The following RAB7A variants were observed in gnomAD, a reference collection of about 807,000 sequenced individuals.
RAB7A encodes the protein RAB7A, member RAS oncogene family, also known as ras-related protein Rab-7a.
A neutral mutation model predicts 24.5 loss-of-function variants in RAB7A; 2 were observed. The ratio of observed to expected loss-of-function variants is 0.08; its 90% CI spans 0.03 to 0.26. RAB7A has a LOEUF of 0.26. RAB7A is among the 10% of genes least tolerant of loss of function. The probability of loss-of-function intolerance (pLI) is 1.00; values close to 1 mark genes in which losing one functional copy is unlikely to be tolerated. For missense variants in RAB7A, 118 were observed against 255.7 expected (o/e 0.46, Z 3.67); for synonymous variants, 100 against 95.9 (o/e 1.04, Z -0.25).
chr3:128,754,245 T>C (rs2070711007), intron 1 of RAB7A, among the ~76,000 whole-genome samples: 1 of 152,140 alleles, frequency 6.6e-6, no homozygotes, highest in African/African-American at 2.4e-5. Context: ...CACAACACAT[T>C]GAGATGTAGT....
rs140240092 is a variant in RAB7A at position 128,786,280 on chromosome 3, G to C, written c.-8-9080G>C. Among the ~76,000 whole-genome samples the C allele has an allele frequency of 3.3e-3, 502 of 152,256 alleles. 4 individuals carry two copies. The highest frequency in any genetic ancestry group is 0.011 in the African/African-American group (477 of 41,552). ...TGTTTCAGGGGGTCTTCACTATTCA[G>C]GCCCTAATTAGATTCCTCAGTTTGG... On this transcript the variant is annotated intron_variant, in intron 1 of 5. Transcript: ENST00000265062.
Position 128,801,881 on chromosome 3 carries a change from A to G in RAB7A, c.180+3812A>G, listed in dbSNP as rs78092668. Among the ~76,000 whole-genome samples, 1,077 of 152,270 alleles carry G rather than the reference A, an allele frequency of 7.1e-3. 6 individuals are homozygous for G. The highest frequency in any genetic ancestry group is 0.015 in the Admixed American group (226 of 15,300). On this transcript the variant is annotated intron_variant, in intron 3 of 5. Coordinates refer to ENST00000265062, the MANE Select transcript of RAB7A (RefSeq NM_004637.6). ...AAGTCATAATGAAATTAAAAAAAAA[A>G]GACTTAAAAATAGACTGAGGAAAAC...
Position 128,763,223 on chromosome 3 carries a change from T to A in RAB7A, c.-8-32137T>A, listed in dbSNP as rs1204299247. Reference sequence around the variant, plus strand: ...ATATATATATATTTTTTTTTTTTTTTTTTTTTTTTGAGACGGAGTCTCGCT... The same window carrying A: ...ATATATATATATTTTTTTTTTTTTTATTTTTTTTTGAGACGGAGTCTCGCT... On this transcript the variant is annotated intron_variant, in intron 1 of 5. Transcript: ENST00000265062. Among the ~76,000 whole-genome samples, 890 of 134,120 alleles carry A rather than the reference T, an allele frequency of 6.6e-3. 30 individuals carry two copies. Among genetic ancestry groups the A allele is most frequent in the East Asian group, 0.047 (230 of 4,900 alleles). The allele number at this position is 134,120 out of a possible 152,430, so 88.0% of individuals were successfully genotyped here.
chr3:128,740,500 G>C (rs1339910459), intron 1 of RAB7A, among the ~76,000 whole-genome samples: 2 of 152,136 alleles, frequency 1.3e-5, no homozygotes, highest in Non-Finnish European at 2.9e-5. Context: ...ACATTTTGTA[G>C]TTTGAGAATT....
At chr3:128,771,029 G>T (rs2070880294) in intron 1 of RAB7A, among the ~76,000 whole-genome samples, 1 of 151,580 alleles carries the variant, frequency 6.6e-6, no homozygotes, top group Non-Finnish European at 1.5e-5. Flanking sequence ...GAGTGCAGTG[G>T]TACAATCTCA....
chr3:128,768,330 A>T (rs867033188), intron 1 of RAB7A, among the ~76,000 whole-genome samples: 1 of 151,918 alleles, frequency 6.6e-6, no homozygotes, highest in South Asian at 2.1e-4. Flanking sequence ...CTTTCTGTTG[A>T]TGGACATTTG....
chr3:128,755,957 T>C (rs904591830), intron 1 of RAB7A, among the ~76,000 whole-genome samples: 2 of 151,076 alleles, frequency 1.3e-5, no homozygotes, highest in Non-Finnish European at 2.9e-5. Context: ...ACTGTAAAAA[T>C]TTCTCACACA....
At chr3:128,748,316 A>C (rs1055831103) in intron 1 of RAB7A, among the ~76,000 whole-genome samples, 2 of 152,156 alleles carry the variant, frequency 1.3e-5, no homozygotes, top group African/African-American at 4.8e-5. Flanking sequence ...ACTGGCAGGC[A>C]TGGTGGCTTT....
At chr3:128,727,754 A>T (rs1028803037) in intron 1 of RAB7A, among the ~76,000 whole-genome samples, 1 of 152,154 alleles carries the variant, frequency 6.6e-6, no homozygotes, top group African/African-American at 2.4e-5. Flanking sequence ...CTTTCTTGTG[A>T]CTTAAGCAGC....
At chr3:128,768,266 C>T (rs2070851756) in intron 1 of RAB7A, among the ~76,000 whole-genome samples, 1 of 152,012 alleles carries the variant, frequency 6.6e-6, no homozygotes, top group South Asian at 2.1e-4. Context: ...TAGTTCATTC[C>T]TTTTTGTAGC....
intron 1 of RAB7A, among the ~76,000 whole-genome samples, chr3:128,735,151 C>T (rs1437314293): frequency 1.3e-5 from 2 of 152,156 alleles, no homozygotes; most frequent in East Asian, 3.8e-4. Context: ...AAATACAGGG[C>T]AGATGAGAGT....
At chr3:128,813,265 C>A in intron 5 of RAB7A, 62 bp from the exon 6 acceptor site, 1 of 1,490,302 alleles carries the variant, frequency 6.7e-7, no homozygotes, top group South Asian at 1.1e-5. Flanking sequence ...AAAGTGCCCG[C>A]AATGAGGGCT....
intron 1 of RAB7A, among the ~76,000 whole-genome samples, chr3:128,762,518 T>G (rs1312117207): frequency 6.6e-6 from 1 of 152,094 alleles, no homozygotes; most frequent in South Asian, 2.1e-4. Flanking sequence ...ATGGAAGTGA[T>G]TATATGAAGA....
chr3:128,798,928 CT>C, intron 3 of RAB7A: 1 of 265,104 alleles, frequency 3.8e-6, no homozygotes, highest in African/African-American at 2.3e-5. Flanking sequence ...TACAACCTCA[CT>C]TTGAAACCAA....
intron 5 of RAB7A, 132 bp downstream of exon 5, chr3:128,807,803 C>A: frequency 7.5e-7 from 1 of 1,327,416 alleles, no homozygotes; most frequent in East Asian, 2.4e-5. Context: ...CCTATGTGTT[C>A]ATCTGGGAAG....
chr3:128,745,767 G>A (rs2070607635), intron 1 of RAB7A, among the ~76,000 whole-genome samples: 1 of 152,178 alleles, frequency 6.6e-6, no homozygotes, highest in Non-Finnish European at 1.5e-5. Context: ...TGGGATGGAG[G>A]GACTCACCCC....
At chr3:128,751,979 G>T (rs2070686250) in intron 1 of RAB7A, among the ~76,000 whole-genome samples, 1 of 152,192 alleles carries the variant, frequency 6.6e-6, no homozygotes. Context: ...CCATACATAA[G>T]ATGTGACTTG....
chr3:128,753,246 T>G (rs1234165707), intron 1 of RAB7A, among the ~76,000 whole-genome samples: 1 of 151,966 alleles, frequency 6.6e-6, no homozygotes, highest in Non-Finnish European at 1.5e-5. Flanking sequence ...TTATGTTAAG[T>G]GAAGTTAGCC....
At chr3:128,760,403 C>A (rs987752722) in intron 1 of RAB7A, among the ~76,000 whole-genome samples, 2 of 152,144 alleles carry the variant, frequency 1.3e-5, no homozygotes, top group African/African-American at 4.8e-5. Flanking sequence ...TCTATTGGTT[C>A]TGTTTATCTC....
Sources: allele counts gnomAD v4.1 joint callset (sites outside exome capture counted in the v4.1 genomes callset), GRCh38; gene constraint gnomAD v4.1.1; transcripts MANE v1.5; gene names NCBI Gene and HGNC (gene_info 2026-07-23, HGNC 2026-07-21).